CREB5: variants seen among roughly 807,000 people sequenced by gnomAD.
CREB5 encodes the protein cyclic AMP-responsive element-binding protein 5.
CREB5 carries 19 observed loss-of-function variants against 57.1 expected under a neutral mutation model. The ratio of observed to expected loss-of-function variants is 0.33; its 90% CI spans 0.23 to 0.49. CREB5 has a LOEUF of 0.49. CREB5 is among the 20% of genes least tolerant of loss of function. CREB5 has a pLI of 0.99. For synonymous variants in CREB5, 238 were observed against 238.3 expected, an observed-to-expected ratio of 1.00 and a Z score of 0.01; for missense variants, 579 against 671.6, an observed-to-expected ratio of 0.86 and a Z score of 1.52.
intron 5 of CREB5, among the ~76,000 whole-genome samples, chr7:28,592,487 G>A (rs1165138756): frequency 6.6e-6 from 1 of 152,144 alleles, no homozygotes; most frequent in African/African-American, 2.4e-5. Flanking sequence ...ATCTTGAAGG[G>A]ATTTTGGATG....
intron 1 of CREB5, among the ~76,000 whole-genome samples, chr7:28,310,518 AG>A (rs2127981308): frequency 6.6e-6 from 1 of 152,348 alleles, no homozygotes; most frequent in African/African-American, 2.4e-5. Flanking sequence ...GACTGGACAA[AG>A]TCTAACATTC....
intron 7 of CREB5, among the ~76,000 whole-genome samples, chr7:28,793,404 G>C (rs1002323419): frequency 5.9e-5 from 9 of 152,180 alleles, no homozygotes; most frequent in African/African-American, 2.2e-4. Context: ...TTGAGGCCCT[G>C]TTGGCCAGAA....
chr7:28,560,909 CGTGTGCGTGTGTGCGCGT>C (rs1795171292), intron 4 of CREB5, among the ~76,000 whole-genome samples: 1 of 32,656 alleles, frequency 3.1e-5, no homozygotes. Flanking sequence ...TGCGCGCGTG[CGTGTGCGTGTGTGCGCGT>C]GCGTGTGTGC....
chr7:28,819,180 T>A lies in CREB5; in HGVS notation c.1428T>A (p.His476Gln). 6.2e-7 allele frequency: 1 copy of A among 1,613,860 alleles called. No individual in the cohort carries two copies. The highest frequency in any genetic ancestry group is 1.1e-5 in the South Asian group (1 of 91,066). ...PACSQQQVIQ[H>Q]NTITTSSSVS... ...GCTCCCAGCAACAAGTCATCCAGCA[T>A]AATACCATCACTACTTCCTCATCGG... is the stretch of plus-strand genomic sequence containing the variant. The change falls in exon 11 of 11, where the codon CAT becomes CAA. Residue 476 changes from histidine (H) to glutamine (Q), a missense_variant. By Grantham distance (24) the His-to-Gln change is conservative (BLOSUM62 0). Around this residue, in one of 3 missense-constraint regions of CREB5, gnomAD observed 114 missense variants for 130.8 expected, o/e 0.87. Transcript: ENST00000357727.
chr7:28,419,346 A>C (rs1470458195), intron 1 of CREB5, among the ~76,000 whole-genome samples: 1 of 152,220 alleles, frequency 6.6e-6, no homozygotes, highest in Non-Finnish European at 1.5e-5. Flanking sequence ...CTGTCTTCAC[A>C]CTTGGTCTGG....
chr7:28,796,400 G>A (rs1291341157), intron 7 of CREB5, among the ~76,000 whole-genome samples: 1 of 152,096 alleles, frequency 6.6e-6, no homozygotes, highest in Non-Finnish European at 1.5e-5. Flanking sequence ...ATTCCATTGT[G>A]CTTTATTTTT....
intron 1 of CREB5, among the ~76,000 whole-genome samples, chr7:28,417,008 CTCTG>C (rs1788055268): frequency 6.6e-6 from 1 of 152,162 alleles, no homozygotes; most frequent in Admixed American, 6.5e-5. Flanking sequence ...GCATAACAAG[CTCTG>C]TCCATTCGTG....
intron 3 of CREB5, among the ~76,000 whole-genome samples, chr7:28,500,893 T>C (rs1792247556): frequency 6.6e-6 from 1 of 152,072 alleles, no homozygotes; most frequent in African/African-American, 2.4e-5. Context: ...AGTAAAGGTA[T>C]ATAGTAACTT....
intron 5 of CREB5, among the ~76,000 whole-genome samples, chr7:28,579,002 C>A (rs1357629263): frequency 6.6e-6 from 1 of 152,166 alleles, no homozygotes; most frequent in African/African-American, 2.4e-5. Flanking sequence ...AATCCTATTT[C>A]AATGAGGCAG....
intron 1 of CREB5, among the ~76,000 whole-genome samples, chr7:28,415,144 A>G (rs73295185): frequency 0.1 from 15,280 of 152,130 alleles, 2,036 homozygotes; most frequent in African/African-American, 0.3. Flanking sequence ...AAGGATTGAA[A>G]ACTACCAGGC....
chr7:28,738,019 A>G (rs1804125883), intron 7 of CREB5, among the ~76,000 whole-genome samples: 1 of 152,248 alleles, frequency 6.6e-6, no homozygotes. Flanking sequence ...TCACAAGCTT[A>G]TAAGTACAAA....
chr7:28,394,999 C>CA (rs34019580), intron 1 of CREB5, among the ~76,000 whole-genome samples: 6,155 of 152,260 alleles, frequency 0.04, 161 homozygotes, highest in Non-Finnish European at 0.051. Flanking sequence ...TGAAAAGACA[C>CA]AGATTATCTC....
At chr7:28,471,979 A>C (rs1171115673) in intron 1 of CREB5, among the ~76,000 whole-genome samples, 1 of 152,116 alleles carries the variant, frequency 6.6e-6, no homozygotes, top group Non-Finnish European at 1.5e-5. Context: ...ACCAACCTTC[A>C]ATGGATAAAC....
chr7:28,725,905 G>A (rs1200673545), intron 7 of CREB5, among the ~76,000 whole-genome samples: 2 of 152,070 alleles, frequency 1.3e-5, no homozygotes, highest in Non-Finnish European at 2.9e-5. Flanking sequence ...TTCTCTGCCA[G>A]TTGATTTTCA....
At chr7:28,512,771 A>G (rs1225081242) in intron 4 of CREB5, among the ~76,000 whole-genome samples, 5 of 152,144 alleles carry the variant, frequency 3.3e-5, no homozygotes, top group African/African-American at 1.2e-4. Context: ...GTGGTTAAAG[A>G]CCCTGAAGAT....
intron 1 of CREB5, among the ~76,000 whole-genome samples, chr7:28,461,960 C>A (rs1790367707): frequency 6.6e-6 from 1 of 151,952 alleles, no homozygotes; most frequent in Non-Finnish European, 1.5e-5. Flanking sequence ...CAATTTGGTG[C>A]ATTTTAGTAC....
At chr7:28,745,115 T>C (rs1287756069) in intron 7 of CREB5, among the ~76,000 whole-genome samples, 1 of 152,196 alleles carries the variant, frequency 6.6e-6, no homozygotes, top group Non-Finnish European at 1.5e-5. Flanking sequence ...GCCCTGAACA[T>C]CTCTCTTGCT....
chr7:28,623,427 A>G (rs961825618), intron 5 of CREB5, among the ~76,000 whole-genome samples: 1 of 152,222 alleles, frequency 6.6e-6, no homozygotes, highest in Non-Finnish European at 1.5e-5. Flanking sequence ...TTTATAGATC[A>G]AACTGCATGA....
chr7:28,578,056 G>A (rs1269398817), intron 5 of CREB5, among the ~76,000 whole-genome samples: 1 of 152,176 alleles, frequency 6.6e-6, no homozygotes, highest in Non-Finnish European at 1.5e-5. Flanking sequence ...CCACTGTCTT[G>A]TATTCTAGAA....
Sources: gnomAD v4.1 joint callset for allele counts (sites outside exome capture counted in the v4.1 genomes callset) on GRCh38, gnomAD v4.1.1 for gene constraint, gnomAD v4.1.1 regional missense constraint, MANE v1.5 for transcripts, NCBI Gene and HGNC (gene_info 2026-07-23, HGNC 2026-07-21) for gene names.